The following AGBL4 variants were observed in gnomAD, a reference collection of about 807,000 sequenced individuals.
The protein encoded by AGBL4 is AGBL carboxypeptidase 4.
A neutral mutation model predicts 66.4 loss-of-function variants in AGBL4; 58 were observed. The observed-to-expected ratio is 0.87, with a 90% CI of 0.71 to 1.09. The LOEUF (loss-of-function observed/expected upper bound fraction) is 1.09. Ranked by LOEUF, AGBL4 falls within the 50% of genes least tolerant of loss-of-function variation. The pLI, the probability that AGBL4 is intolerant of heterozygous loss-of-function variation, is 0.00. For missense variants in AGBL4, 579 were observed against 631.0 expected (o/e 0.92, Z 0.88); for synonymous variants, 234 against 222.9 (o/e 1.05, Z -0.44).
intron 1 of AGBL4, among the ~76,000 whole-genome samples, chr1:49,929,232 T>G (rs1305926912): frequency 6.6e-6 from 1 of 151,820 alleles, no homozygotes; most frequent in African/African-American, 2.4e-5. Context: ...GGGTGACAGG[T>G]TCAATTGTAC....
chr1:48,793,609 T>C (rs1645601819), intron 6 of AGBL4, among the ~76,000 whole-genome samples: 1 of 152,194 alleles, frequency 6.6e-6, no homozygotes, highest in South Asian at 2.1e-4. Context: ...CTTTTATTTA[T>C]GTTCTCTCAT....
rs890320204 is a variant in AGBL4, at chr1:49,556,801, C to T, written c.282+140512G>A. Reference sequence around the variant, plus strand: ...AGGCTCGTGCGGTGCAAGGGGTGGGCATGAGGGCTTGGGCATGGCAGGCTG... The same window carrying T: ...AGGCTCGTGCGGTGCAAGGGGTGGGTATGAGGGCTTGGGCATGGCAGGCTG... On this transcript the variant is annotated intron_variant, in intron 3 of 13. Coordinates refer to ENST00000371839, the MANE Select transcript of AGBL4 (RefSeq NM_032785.4). Among the ~76,000 whole-genome samples, 123 of 152,014 alleles carry T rather than the reference C, an allele frequency of 8.1e-4. 1 individual carries two copies. Among genetic ancestry groups the T allele is most frequent in the African/African-American group, 2.9e-3 (119 of 41,402 alleles).
At chr1:48,523,300 A>G in the AGBL4 span, among the ~76,000 whole-genome samples, 1 of 152,082 alleles carries the variant, frequency 6.6e-6, no homozygotes, top group South Asian at 2.1e-4. Context: ...TCCCCTTCCT[A>G]TTGTATGGCT....
In AGBL4 at chr1:49,844,970, C is replaced by A. The variant is rs542861685; in HGVS notation, c.157+6426G>T. 77 of 1,377,900 alleles carry A rather than the reference C, an allele frequency of 5.6e-5. No individual in the cohort carries two copies. The South Asian group carries it at 8.9e-4, about 16-fold the overall frequency. 85.4% of individuals were successfully genotyped at this position (1,377,900 alleles called of 1,614,324 possible). A position where few individuals can be genotyped will look rare whatever the true frequency, so the allele number is the denominator to read the frequency against. On this transcript the variant is annotated intron_variant, in intron 2 of 13. Coordinates refer to ENST00000371839, the MANE Select transcript of AGBL4 (RefSeq NM_032785.4). ...CTGAACCCTGATTTCCTACATCAACCAATGACTCCTGAACAACAAGGCCCC... is the reference window on the plus strand; with the variant it reads ...CTGAACCCTGATTTCCTACATCAACAAATGACTCCTGAACAACAAGGCCCC...
Position 48,603,662 on chromosome 1 carries a change from G to T in AGBL4, c.952-12677C>A, listed in dbSNP as rs188686874. On this transcript the variant is annotated intron_variant, in intron 9 of 13. Transcript: ENST00000371839. ...GAAGTGTTTTATGAAATTATAACAG[G>T]ATTACATTTACATTTTAGCAAGATT... Among the ~76,000 whole-genome samples the T allele has an allele frequency of 1.3e-3, 197 of 152,160 alleles. 4 individuals are homozygous for T. The highest frequency in any genetic ancestry group is 1.2e-4 in the Non-Finnish European group (8 of 68,002).
chr1:49,905,441 A>T (rs1391625692), intron 1 of AGBL4, among the ~76,000 whole-genome samples: 6 of 152,198 alleles, frequency 3.9e-5, no homozygotes, highest in Non-Finnish European at 7.4e-5. Context: ...ACCAACATGA[A>T]GCAAGTCAAA....
At chr1:49,782,423 T>C (rs1644357816) in intron 2 of AGBL4, among the ~76,000 whole-genome samples, 1 of 152,136 alleles carries the variant, frequency 6.6e-6, no homozygotes, top group Admixed American at 6.5e-5. Flanking sequence ...GAGTATAAAA[T>C]ATGAATGCAT....
At chr1:48,687,984 A>G (rs1208242821) in intron 6 of AGBL4, among the ~76,000 whole-genome samples, 1 of 152,210 alleles carries the variant, frequency 6.6e-6, no homozygotes, top group Non-Finnish European at 1.5e-5. Context: ...CCTGATGTGT[A>G]TATATTTATT....
chr1:49,158,495 T>C (rs1215608606), intron 4 of AGBL4, among the ~76,000 whole-genome samples: 1 of 152,138 alleles, frequency 6.6e-6, no homozygotes, highest in Non-Finnish European at 1.5e-5. Context: ...AATTATGTGG[T>C]TAATTTTAGA....
chr1:48,663,903 G>A (rs1455637578), intron 6 of AGBL4, among the ~76,000 whole-genome samples: 1 of 152,104 alleles, frequency 6.6e-6, no homozygotes, highest in African/African-American at 2.4e-5. Flanking sequence ...GCTGAAAAGT[G>A]GTGGTAGGAG....
At chr1:49,764,947 C>G (rs1326591943) in intron 2 of AGBL4, among the ~76,000 whole-genome samples, 1 of 152,118 alleles carries the variant, frequency 6.6e-6, no homozygotes, top group Admixed American at 6.5e-5. Flanking sequence ...GATAGGAAAA[C>G]AGATCAAGTT....
chr1:48,963,953 C>T (rs1658211848), intron 5 of AGBL4, among the ~76,000 whole-genome samples: 1 of 152,168 alleles, frequency 6.6e-6, no homozygotes, highest in Admixed American at 6.5e-5. Context: ...TGTAAGGTAA[C>T]AATCAGTCAA....
chr1:48,594,618 GAATT>G (rs2148353489), intron 9 of AGBL4, among the ~76,000 whole-genome samples: 1 of 152,190 alleles, frequency 6.6e-6, no homozygotes, highest in Non-Finnish European at 1.5e-5. Flanking sequence ...TTTCCTAGCT[GAATT>G]ATTTTACTGT....
At chr1:49,990,312 G>T (rs1436359564) in intron 1 of AGBL4, among the ~76,000 whole-genome samples, 1 of 152,138 alleles carries the variant, frequency 6.6e-6, no homozygotes, top group Admixed American at 6.6e-5. Flanking sequence ...GGTGGGAGGT[G>T]ATTGAATCAT....
At chr1:49,541,824 C>A (rs569519430) in intron 3 of AGBL4, among the ~76,000 whole-genome samples, 1 of 152,104 alleles carries the variant, frequency 6.6e-6, no homozygotes, top group African/African-American at 2.4e-5. Flanking sequence ...TCTAGCTAAG[C>A]GATTGTAAAT....
intron 3 of AGBL4, among the ~76,000 whole-genome samples, chr1:49,669,923 G>T (rs1029600302): frequency 6.6e-6 from 1 of 151,904 alleles, no homozygotes. Context: ...AAGAGCACAA[G>T]ATAAAGAAAA....
At chr1:48,741,836 G>A (rs575915499) in intron 6 of AGBL4, among the ~76,000 whole-genome samples, 220 of 152,302 alleles carry the variant, frequency 1.4e-3, no homozygotes, top group Middle Eastern at 3.4e-3. Context: ...AGAACATAAC[G>A]CTAAAGCTGA....
intron 3 of AGBL4, among the ~76,000 whole-genome samples, chr1:49,620,132 A>C (rs922952970): frequency 6.6e-6 from 1 of 152,218 alleles, no homozygotes; most frequent in African/African-American, 2.4e-5. Flanking sequence ...GGATCTAATT[A>C]AACTAAAGAG....
chr1:48,769,132 C>T (rs749447552), intron 6 of AGBL4, among the ~76,000 whole-genome samples: 7 of 152,164 alleles, frequency 4.6e-5, no homozygotes, highest in African/African-American at 1.4e-4. Flanking sequence ...GCTATGTGAC[C>T]GCTGGCCAGT....
Sources: gnomAD v4.1 joint callset for allele counts (sites outside exome capture counted in the v4.1 genomes callset) on GRCh38, gnomAD v4.1.1 for gene constraint, MANE v1.5 for transcripts, NCBI Gene and HGNC (gene_info 2026-07-23, HGNC 2026-07-21) for gene names.